ATF6: variants seen among roughly 807,000 people sequenced by gnomAD.
The protein encoded by ATF6 is cyclic AMP-dependent transcription factor ATF-6 alpha.
Under a neutral mutation model 83.6 loss-of-function variants are expected in ATF6, and 53 were observed. That is an observed-to-expected ratio of 0.63 (90% CI 0.51 to 0.80). The LOEUF is 0.80. ATF6 is among the 30% of genes least tolerant of loss of function. ATF6 has a pLI of 0.00. For synonymous variants in ATF6, 288 were observed against 285.8 expected (o/e 1.01, Z -0.08); for missense variants, 744 against 797.9 (o/e 0.93, Z 0.81).
In ATF6 at chr1:161,813,277, T is replaced by A. The variant is rs560273476; in HGVS notation, c.910-6356T>A. Among the ~76,000 whole-genome samples the A allele has an allele frequency of 1.2e-4, 18 of 152,298 alleles. No homozygotes were observed. In the East Asian group the frequency reaches 2.1e-3, roughly 18 times the overall value. ...CAAAGGTTTAGAAAGATTGACCTTA[T>A]TTGAATAATTTGGTGGTATCAAATG... On this transcript the variant is annotated intron_variant, in intron 7 of 15. Transcript: ENST00000367942.
intron 7 of ATF6, among the ~76,000 whole-genome samples, chr1:161,803,195 C>T (rs1349972795): frequency 1.3e-5 from 2 of 152,168 alleles, no homozygotes; most frequent in East Asian, 3.9e-4. Context: ...ATCTGTCTGC[C>T]AGAATTTATT....
chr1:161,834,131 C>T (rs1211063924), intron 9 of ATF6, among the ~76,000 whole-genome samples: 2 of 152,108 alleles, frequency 1.3e-5, no homozygotes, highest in Non-Finnish European at 2.9e-5. Context: ...AATTTTCAAC[C>T]CAGAATTTCA....
intron 9 of ATF6, among the ~76,000 whole-genome samples, chr1:161,831,327 A>G (rs1038191302): frequency 2.6e-5 from 4 of 152,210 alleles, no homozygotes; most frequent in Admixed American, 6.5e-5. Context: ...AGAAATAGGA[A>G]CACTTTTACA....
At chr1:161,812,094 T>C (rs929125398) in intron 7 of ATF6, among the ~76,000 whole-genome samples, 1 of 152,150 alleles carries the variant, frequency 6.6e-6, no homozygotes, top group African/African-American at 2.4e-5. Context: ...ATGGCTAATA[T>C]TAATAAAGTA....
chr1:161,782,650 A>G (rs897576132), intron 3 of ATF6, among the ~76,000 whole-genome samples: 1 of 152,214 alleles, frequency 6.6e-6, no homozygotes, highest in Non-Finnish European at 1.5e-5. Flanking sequence ...ACAGTGAATA[A>G]ATAACCAGCA....
intron 14 of ATF6, among the ~76,000 whole-genome samples, chr1:161,896,882 C>T (rs540835866): frequency 7.9e-4 from 121 of 152,262 alleles, no homozygotes; most frequent in African/African-American, 2.7e-3. Flanking sequence ...CAGCACACAA[C>T]TCATCTGTGA....
intron 1 of ATF6, among the ~76,000 whole-genome samples, chr1:161,775,833 CT>C (rs1446227921): frequency 1.3e-5 from 2 of 151,998 alleles, no homozygotes; most frequent in African/African-American, 2.4e-5. Context: ...TTCATTGCTA[CT>C]GGGATGTCAT....
rs979348278 is a variant in ATF6, at chr1:161,909,226, T to G, written c.1720-3070T>G. 2.6e-5 allele frequency among the ~76,000 whole-genome samples: 4 copies of G among 152,172 alleles called. No homozygotes were observed. The East Asian group carries it at 7.7e-4, about 29-fold the overall frequency. On this transcript the variant is annotated intron_variant, in intron 14 of 15. Transcript: ENST00000367942. ...GTCTTCTTGCTCCATAATCCTCAAC[T>G]TGCAGCTTCTGTCTCATGGAACAAA...
rs1269912672 is a variant in ATF6 at position 161,766,333 on chromosome 1, G to C, written c.-28G>C. On this transcript the variant is annotated 5_prime_UTR_variant, in exon 1 of 16. Transcript: ENST00000367942. ...CGCCGCCGTCCCAGATATTAATCAC[G>C]GAGTTCCAGGGAGAAGGAACTTGTG... 3.7e-6 allele frequency: 6 copies of C among 1,600,988 alleles called. No individual in the cohort carries two copies. The African/African-American group carries it at 8.0e-5, about 21-fold the overall frequency.
At chr1:161,781,589 T>A (rs771487898) in intron 2 of ATF6, among the ~76,000 whole-genome samples, 7 of 152,240 alleles carry the variant, frequency 4.6e-5, no homozygotes, top group Non-Finnish European at 7.4e-5. Flanking sequence ...TGTATTTTGC[T>A]GGATTTCCCT....
At chr1:161,909,474 G>T (rs552338716) in intron 14 of ATF6, among the ~76,000 whole-genome samples, 1 of 151,618 alleles carries the variant, frequency 6.6e-6, no homozygotes, top group Non-Finnish European at 1.5e-5. Flanking sequence ...CACAAGTCCT[G>T]TTGCTATTTT....
At chr1:161,785,640 C>A (rs894277460) in intron 4 of ATF6, among the ~76,000 whole-genome samples, 4 of 152,058 alleles carry the variant, frequency 2.6e-5, no homozygotes, top group Admixed American at 2.6e-4. Flanking sequence ...ACTCAAATAA[C>A]CTATAGTAAA....
chr1:161,808,154 A>C (rs1476946212), intron 7 of ATF6, among the ~76,000 whole-genome samples: 1 of 152,084 alleles, frequency 6.6e-6, no homozygotes, highest in African/African-American at 2.4e-5. Flanking sequence ...TGCTGGGATT[A>C]TAGGCATGAG....
intron 15 of ATF6, among the ~76,000 whole-genome samples, chr1:161,932,251 C>G (rs1310238799): frequency 6.6e-6 from 1 of 152,110 alleles, no homozygotes; most frequent in Non-Finnish European, 1.5e-5. Flanking sequence ...TGTTTGTATT[C>G]CACTATTGTA....
intron 10 of ATF6, among the ~76,000 whole-genome samples, chr1:161,851,141 T>TACACAC (rs35398462): frequency 0.28 from 38,375 of 135,796 alleles, 6,577 homozygotes; most frequent in South Asian, 0.37. Flanking sequence ...ATCCTTAACA[T>TACACAC]ACACACACAC....
intron 9 of ATF6, among the ~76,000 whole-genome samples, chr1:161,823,981 A>G (rs1342800803): frequency 2.0e-5 from 3 of 152,220 alleles, no homozygotes; most frequent in Non-Finnish European, 2.9e-5. Flanking sequence ...TGTGTATGAT[A>G]GAATCTAGAC....
At chr1:161,956,289 T>TACAC (rs138092793) in intron 15 of ATF6, among the ~76,000 whole-genome samples, 2 of 151,400 alleles carry the variant, frequency 1.3e-5, no homozygotes, top group East Asian at 3.9e-4. Flanking sequence ...TGCATGCGCA[T>TACAC]ACACACACAC....
At chr1:161,935,137 C>T (rs527345073) in intron 15 of ATF6, among the ~76,000 whole-genome samples, 12 of 152,220 alleles carry the variant, frequency 7.9e-5, no homozygotes, top group African/African-American at 2.6e-4. Flanking sequence ...TAAGAATGCC[C>T]TAATCCTCTT....
intron 9 of ATF6, among the ~76,000 whole-genome samples, chr1:161,834,319 A>G (rs961905035): frequency 2.3e-4 from 35 of 152,190 alleles, no homozygotes; most frequent in Admixed American, 9.2e-4. Flanking sequence ...ATAAAGACAC[A>G]TGCACACGTA....
Sources: allele counts gnomAD v4.1 joint callset (sites outside exome capture counted in the v4.1 genomes callset), GRCh38; gene constraint gnomAD v4.1.1; transcripts MANE v1.5; gene names NCBI Gene and HGNC (gene_info 2026-07-23, HGNC 2026-07-21).